The following NAP1L4 variants were observed in gnomAD, a reference collection of about 807,000 sequenced individuals.
The protein encoded by NAP1L4 is nucleosome assembly protein 1 like 4, also known as nucleosome assembly protein 1-like 4.
A neutral mutation model predicts 58.2 loss-of-function variants in NAP1L4; 15 were observed. That is an observed-to-expected ratio of 0.26 (90% confidence interval 0.17 to 0.40). The LOEUF (loss-of-function observed/expected upper bound fraction) is 0.40. NAP1L4 is among the 10% of genes least tolerant of loss of function. The pLI, the probability that NAP1L4 is intolerant of heterozygous loss-of-function variation, is 1.00. For missense variants in NAP1L4, 384 were observed against 451.1 expected (o/e 0.85, Z 1.35); for synonymous variants, 171 against 155.6 (o/e 1.10, Z -0.74).
At chr11:2,985,445 A>C (rs1056113864) in intron 1 of NAP1L4, among the ~76,000 whole-genome samples, 11 of 152,230 alleles carry the variant, frequency 7.2e-5, no homozygotes, top group Non-Finnish European at 1.0e-4. Flanking sequence ...GTCTTATAAA[A>C]CCACAGCCCG....
Position 2,964,672 on chromosome 11 carries a change from G to C in NAP1L4, c.606+8C>G. 3.7e-6 allele frequency: 6 copies of C among 1,610,022 alleles called. No homozygotes were observed. Among genetic ancestry groups the C allele is most frequent in the Non-Finnish European group, 5.1e-6 (6 of 1,176,538 alleles). On this transcript the variant is annotated splice_region_variant and intron_variant, in intron 8 of 15. Coordinates refer to ENST00000380542, the MANE Select transcript of NAP1L4 (RefSeq NM_005969.4). ...TGATGCCAACCAGAAGGTCAAGTCA[G>C]TACTCACCATAGGCTGTCCAGGGTC...
chr11:2,991,780 C>G (rs181446407), intron 1 of NAP1L4: 11 of 152,414 alleles, frequency 7.2e-5, no homozygotes, highest in African/African-American at 2.6e-4. Flanking sequence ...TAAAGAAGTC[C>G]TGGACGTCTC....
At chr11:2,990,068 T>A (rs946772992) in intron 1 of NAP1L4, 1 of 152,216 alleles carries the variant, frequency 6.6e-6, no homozygotes, top group African/African-American at 2.4e-5. Flanking sequence ...GACTACTCCA[T>A]ATTCATTTTG....
intron 7 of NAP1L4, among the ~76,000 whole-genome samples, chr11:2,968,988 G>GTTTTTTTTTTT (rs61176259): frequency 8.8e-6 from 1 of 113,582 alleles, no homozygotes; most frequent in Non-Finnish European, 1.9e-5. Flanking sequence ...TTGTTGTGTT[G>GTTTTTTTTTTT]TTTTTTTTTT....
At chr11:2,973,332 C>T (rs1433518269) in intron 4 of NAP1L4, among the ~76,000 whole-genome samples, 3 of 152,202 alleles carry the variant, frequency 2.0e-5, no homozygotes, top group Admixed American at 6.5e-5. Context: ...TTGTTCAAAA[C>T]GAAGCCCCTG....
At position 2,945,431 on chromosome 11, in the gene NAP1L4, G is replaced by C; in HGVS notation, c.*248C>G. On this transcript the variant is annotated 3_prime_UTR_variant, in exon 16 of 16. Transcript: ENST00000380542. ...TCTGAAATGCATTTCAGTTGCCACT[G>C]TACAAGTTAAGCAAAATAATAAGGA... 1 of 626,162 alleles carries C rather than the reference G, an allele frequency of 1.6e-6. No individual in the cohort carries two copies. The highest frequency in any genetic ancestry group is 2.7e-6 in the Non-Finnish European group (1 of 363,722). The allele number at this position is 626,162 out of a possible 1,614,324, so 38.8% of individuals were successfully genotyped here. A position where few individuals can be genotyped will look rare whatever the true frequency, so the allele number is the denominator to read the frequency against.
intron 1 of NAP1L4, chr11:2,991,278 A>AC: frequency 2.6e-6 from 1 of 380,884 alleles, no homozygotes; most frequent in Non-Finnish European, 5.4e-6. Flanking sequence ...AAGTCTTATC[A>AC]TGACCAGGCC....
At chr11:2,988,639 T>C (rs556841912) in intron 1 of NAP1L4, among the ~76,000 whole-genome samples, 1 of 152,372 alleles carries the variant, frequency 6.6e-6, no homozygotes, top group South Asian at 2.1e-4. Context: ...TCATTCTTTC[T>C]ACCACAAATT....
intron 1 of NAP1L4, chr11:2,990,013 T>A (rs1035238969): frequency 3.8e-4 from 58 of 152,224 alleles, no homozygotes; most frequent in African/African-American, 1.4e-3. Flanking sequence ...TAAAAATGAT[T>A]AAAATTTATT....
At chr11:2,953,464 C>G (rs760883101) in intron 12 of NAP1L4, among the ~76,000 whole-genome samples, 11 of 152,354 alleles carry the variant, frequency 7.2e-5, no homozygotes, top group Middle Eastern at 6.8e-3. Context: ...TCCTACTGCA[C>G]TGGACCAAGC....
chr11:2,981,368 T>C (rs1033016863), intron 1 of NAP1L4, among the ~76,000 whole-genome samples: 1 of 130,222 alleles, frequency 7.7e-6, no homozygotes, highest in Admixed American at 9.7e-5. Context: ...CAGTGACCTA[T>C]GACTGCGCCA....
chr11:2,991,159 A>T, intron 1 of NAP1L4: 1 of 456,300 alleles, frequency 2.2e-6, no homozygotes, highest in Non-Finnish European at 4.4e-6. Context: ...AGGTGATGTG[A>T]CACACACGTT....
chr11:2,982,422 C>G (rs556841809), intron 1 of NAP1L4, among the ~76,000 whole-genome samples: 7 of 152,314 alleles, frequency 4.6e-5, no homozygotes, highest in Non-Finnish European at 7.3e-5. Context: ...TGGACAGATT[C>G]TTGTTGTCAT....
At chr11:2,957,914 A>G (rs1185489126) in intron 10 of NAP1L4, among the ~76,000 whole-genome samples, 2 of 152,224 alleles carry the variant, frequency 1.3e-5, no homozygotes. Context: ...ATGATCCAAA[A>G]GCAGCACAAC....
At chr11:2,958,823 T>G (rs568459335) in intron 9 of NAP1L4, 1 of 410,158 alleles carries the variant, frequency 2.4e-6, no homozygotes, top group East Asian at 4.4e-5. Context: ...GAAATGTATA[T>G]TCTGTGGCAA....
At chr11:2,977,594 G>A (rs1343005484) in intron 3 of NAP1L4, among the ~76,000 whole-genome samples, 1 of 152,094 alleles carries the variant, frequency 6.6e-6, no homozygotes, top group African/African-American at 2.4e-5. Context: ...TCGGGCGTGG[G>A]GTAAAAATTG....
intron 2 of NAP1L4, 103 bp downstream of exon 2, chr11:2,979,104 A>G (rs1848148636): frequency 8.2e-7 from 1 of 1,213,138 alleles, no homozygotes; most frequent in East Asian, 2.3e-5. Context: ...CTAGACGCTG[A>G]AATGCATTTA....
intron 8 of NAP1L4, 41 bp downstream of exon 8, chr11:2,964,639 A>G: frequency 6.5e-7 from 1 of 1,534,004 alleles, no homozygotes; most frequent in Non-Finnish European, 9.0e-7. Context: ...TTGTGGACTG[A>G]CCCTGTCTGA....
intron 1 of NAP1L4, among the ~76,000 whole-genome samples, chr11:2,979,855 T>A (rs1471789674): frequency 6.6e-6 from 1 of 152,232 alleles, no homozygotes; most frequent in East Asian, 1.9e-4. Flanking sequence ...CTAATTTGCC[T>A]TATTTTTTAT....
Sources: gnomAD v4.1 joint callset for allele counts (sites outside exome capture counted in the v4.1 genomes callset) on GRCh38, gnomAD v4.1.1 for gene constraint, MANE v1.5 for transcripts, NCBI Gene and HGNC (gene_info 2026-07-23, HGNC 2026-07-21) for gene names.